The following COBL variants were observed in gnomAD, a reference collection of about 807,000 sequenced individuals.
COBL encodes the protein cordon-bleu WH2 repeat protein.
Under a neutral mutation model 98.8 loss-of-function variants are expected in COBL, and 51 were observed. The ratio of observed to expected loss-of-function variants is 0.52; its 90% CI spans 0.41 to 0.65. The LOEUF (loss-of-function observed/expected upper bound fraction) is 0.65. Among genes scored for constraint, COBL ranks in the 30% least tolerant of loss-of-function variants. The pLI is 0.00. For synonymous variants in COBL, 634 were observed against 651.7 expected (o/e 0.97, Z 0.41); for missense variants, 1,617 against 1,617.5 (o/e 1.00, Z 0.01).
chr7:51,196,229 A>C (rs1212210179), intron 2 of COBL, among the ~76,000 whole-genome samples: 1 of 152,094 alleles, frequency 6.6e-6, no homozygotes, highest in Non-Finnish European at 1.5e-5. Context: ...TTTTATCAAA[A>C]GCCTCTTCTG....
chr7:51,184,189 C>T lies in COBL; in HGVS notation c.696G>A (p.Arg232=). Residue 232 remains arginine, a synonymous_variant, in exon 5 of 13, where the codon AGG becomes AGA. Coordinates refer to ENST00000265136, the MANE Select transcript of COBL (RefSeq NM_015198.5). ...YAWDNRRETF[R]KSSLGNDETD... The stretch of plus-strand genomic sequence containing the variant: ...TCTCATCATTGCCAAGTGATGATTT[C>T]CTAAAGGTTTCTGGAAAAAAAAAGC... The T allele has an allele frequency of 1.3e-6, 2 of 1,543,788 alleles. No individual in the cohort carries two copies. Among genetic ancestry groups the T allele is most frequent in the Non-Finnish European group, 1.7e-6 (2 of 1,145,808 alleles).
intron 1 of COBL, among the ~76,000 whole-genome samples, chr7:51,271,070 G>A (rs1798711600): frequency 6.6e-6 from 1 of 152,186 alleles, no homozygotes; most frequent in South Asian, 2.1e-4. Context: ...AGGAATGCTT[G>A]GGACAGGCCG....
chr7:51,088,728 G>A (rs1369074613), intron 6 of COBL, among the ~76,000 whole-genome samples: 1 of 152,146 alleles, frequency 6.6e-6, no homozygotes, highest in Non-Finnish European at 1.5e-5. Context: ...GATTCCCAGT[G>A]GGGATCTGGG....
At chr7:51,190,799 C>T (rs376441495) in intron 4 of COBL, 51 bp downstream of exon 4, 3 of 1,454,820 alleles carry the variant, frequency 2.1e-6, no homozygotes, top group Admixed American at 1.7e-5. Context: ...ATGTACACGC[C>T]GCGCATCCGT....
chr7:51,170,368 A>G (rs1787733159), intron 5 of COBL, among the ~76,000 whole-genome samples: 1 of 151,838 alleles, frequency 6.6e-6, no homozygotes, highest in African/African-American at 2.4e-5. Context: ...TACTGTAATT[A>G]TAAAGGTGCT....
intron 2 of COBL, among the ~76,000 whole-genome samples, chr7:51,204,440 T>A (rs1256084513): frequency 6.6e-6 from 1 of 151,778 alleles, no homozygotes; most frequent in Non-Finnish European, 1.5e-5. Context: ...GGGTTACAAG[T>A]GATATGATCA....
At chr7:51,139,674 G>A (rs1211468173) in intron 5 of COBL, among the ~76,000 whole-genome samples, 3 of 152,130 alleles carry the variant, frequency 2.0e-5, no homozygotes, top group Non-Finnish European at 4.4e-5. Context: ...GTTGTCCAGC[G>A]AATACTTGTG....
chr7:51,085,237 TGTG>T lies in COBL; in HGVS notation c.1022_1024del (p.Pro341del). 2 of 1,613,658 alleles carry T rather than the reference TGTG, an allele frequency of 1.2e-6. No individual in the cohort carries two copies. The highest frequency in any genetic ancestry group is 2.2e-5 in the East Asian group (1 of 44,838). Reference sequence around the variant, plus strand: ...GATCAGGGGACTCGGTGGTGGTGGCTGTGGTGGAGGGGGAGCTGGCGCTCGCCG... The same window carrying T: ...GATCAGGGGACTCGGTGGTGGTGGCTGTGGAGGGGGAGCTGGCGCTCGCCG... On this transcript the variant is annotated inframe_deletion, in exon 7 of 13. Coordinates refer to ENST00000265136, the MANE Select transcript of COBL (RefSeq NM_015198.5).
Position 51,029,033 on chromosome 7 carries a change from CATG to C in COBL, c.2060_2062del (p.Ser687del). ...CCCTGGGTTTTGGCCTCGTTGGTGC[CATG>C]ATGTTGGTGCCAAGGCAGCGTTTTT... On this transcript the variant is annotated inframe_deletion, in exon 10 of 13. Transcript: ENST00000265136. The C allele has an allele frequency of 6.2e-7, 1 of 1,614,150 alleles. No individual in the cohort carries two copies. Among genetic ancestry groups the C allele is most frequent in the Non-Finnish European group, 8.5e-7 (1 of 1,180,024 alleles).
At chr7:51,285,940 T>C (rs1208649740) in intron 1 of COBL, among the ~76,000 whole-genome samples, 1 of 152,182 alleles carries the variant, frequency 6.6e-6, no homozygotes, top group Non-Finnish European at 1.5e-5. Flanking sequence ...TCCACATAAA[T>C]ATATTCAAGT....
rs910622780 is a variant in COBL, at chr7:51,082,628, C to T, written c.1096+2538G>A. Among the ~76,000 whole-genome samples, 7 of 152,228 alleles carry T rather than the reference C, an allele frequency of 4.6e-5. No individual in the cohort carries two copies. The South Asian group carries it at 8.3e-4, about 18-fold the overall frequency. ...CTTGGCCGCTGGCGACAGAGTTCCA[C>T]AGCTAACTTACGAAGGACGTCCTCC... is the stretch of plus-strand genomic sequence containing the variant. On this transcript the variant is annotated intron_variant, in intron 7 of 12. Coordinates refer to ENST00000265136, the MANE Select transcript of COBL (RefSeq NM_015198.5).
chr7:51,308,778 T>C (rs1489164002), intron 1 of COBL, among the ~76,000 whole-genome samples: 1 of 152,078 alleles, frequency 6.6e-6, no homozygotes, highest in African/African-American at 2.4e-5. Flanking sequence ...TATGAATAAG[T>C]GGAAGCGGCT....
intron 2 of COBL, among the ~76,000 whole-genome samples, chr7:51,194,135 T>C (rs921741818): frequency 6.6e-6 from 1 of 152,120 alleles, no homozygotes; most frequent in Non-Finnish European, 1.5e-5. Flanking sequence ...CTCCAGTGTT[T>C]GTTGTTGTTC....
chr7:51,297,078 TCCCCCTG>T (rs2129196851), intron 1 of COBL, among the ~76,000 whole-genome samples: 1 of 152,150 alleles, frequency 6.6e-6, no homozygotes, highest in Non-Finnish European at 1.5e-5. Flanking sequence ...CCAGGCAGCA[TCCCCCTG>T]CAAAGAGCTG....
chr7:51,166,961 A>G (rs1223694302), intron 5 of COBL, among the ~76,000 whole-genome samples: 1 of 152,198 alleles, frequency 6.6e-6, no homozygotes, highest in Non-Finnish European at 1.5e-5. Flanking sequence ...TCTTAACATA[A>G]TAAAAGCCAT....
intron 6 of COBL, among the ~76,000 whole-genome samples, chr7:51,122,218 T>C (rs958953815): frequency 2.6e-5 from 4 of 152,204 alleles, no homozygotes; most frequent in Admixed American, 2.6e-4. Context: ...AAACAAAAGG[T>C]AGACGTTAAG....
At chr7:51,127,707 C>T (rs1283980913) in intron 6 of COBL, among the ~76,000 whole-genome samples, 1 of 152,152 alleles carries the variant, frequency 6.6e-6, no homozygotes, top group Non-Finnish European at 1.5e-5. Context: ...AAACCTCCCT[C>T]TGGCCTGAAG....
chr7:51,198,367 A>G (rs1461200082), intron 2 of COBL, among the ~76,000 whole-genome samples: 1 of 152,186 alleles, frequency 6.6e-6, no homozygotes, highest in Non-Finnish European at 1.5e-5. Flanking sequence ...GTTTCTGCTA[A>G]GAGGTCCATT....
At chr7:51,129,943 T>A (rs1399296391) in intron 6 of COBL, among the ~76,000 whole-genome samples, 1 of 152,038 alleles carries the variant, frequency 6.6e-6, no homozygotes, top group African/African-American at 2.4e-5. Context: ...AGAAGCAGGG[T>A]CTAGTTAGGA....
Sources: gnomAD v4.1 joint callset for allele counts (sites outside exome capture counted in the v4.1 genomes callset) on GRCh38, gnomAD v4.1.1 for gene constraint, MANE v1.5 for transcripts, NCBI Gene and HGNC (gene_info 2026-07-23, HGNC 2026-07-21) for gene names.